MIPEP: variants seen among roughly 807,000 people sequenced by gnomAD.
MIPEP encodes the protein mitochondrial intermediate peptidase.
MIPEP carries 79 observed loss-of-function variants against 90.3 expected under a neutral mutation model. The observed-to-expected ratio is 0.87, with a 90% confidence interval of 0.73 to 1.05. The LOEUF (loss-of-function observed/expected upper bound fraction) is 1.05. MIPEP is among the 50% of genes least tolerant of loss of function. The pLI, the probability that MIPEP is intolerant of heterozygous loss-of-function variation, is 0.00. For missense variants in MIPEP, 940 were observed against 905.6 expected (o/e 1.04, Z -0.49); for synonymous variants, 334 against 315.8 (o/e 1.06, Z -0.61).
intron 8 of MIPEP, among the ~76,000 whole-genome samples, chr13:23,862,898 A>G (rs1870373219): frequency 6.6e-6 from 1 of 152,210 alleles, no homozygotes; most frequent in Non-Finnish European, 1.5e-5. Flanking sequence ...TAAAATCTAT[A>G]GCTATGTAGA....
intron 14 of MIPEP, among the ~76,000 whole-genome samples, chr13:23,835,267 T>G (rs1054087531): frequency 6.6e-6 from 1 of 152,002 alleles, no homozygotes; most frequent in Admixed American, 6.6e-5. Flanking sequence ...GTGATCCACC[T>G]GCCTCAGCCT....
intron 18 of MIPEP, among the ~76,000 whole-genome samples, chr13:23,752,389 A>C (rs1411618305): frequency 6.6e-6 from 1 of 152,212 alleles, no homozygotes; most frequent in East Asian, 1.9e-4. Flanking sequence ...AGTGGGGGCA[A>C]AGTATTACTT....
chr13:23,867,590 G>A (rs1296303322), intron 7 of MIPEP, among the ~76,000 whole-genome samples: 2 of 152,128 alleles, frequency 1.3e-5, no homozygotes, highest in Non-Finnish European at 2.9e-5. Flanking sequence ...AATGTAAACT[G>A]CATAAGGATA....
At chr13:23,809,979 C>A in intron 14 of MIPEP, 55 bp from the exon 15 acceptor site, 1 of 1,103,060 alleles carries the variant, frequency 9.1e-7, no homozygotes, top group East Asian at 2.4e-5. Context: ...AGTCACTGCA[C>A]TATGTATAAG....
At chr13:23,823,072 T>C (rs1953328116) in intron 14 of MIPEP, among the ~76,000 whole-genome samples, 1 of 152,040 alleles carries the variant, frequency 6.6e-6, no homozygotes, top group East Asian at 1.9e-4. Context: ...TGTGTTGAAG[T>C]TTTAGATACC....
intron 10 of MIPEP, among the ~76,000 whole-genome samples, chr13:23,858,407 T>C (rs1289388110): frequency 1.1e-5 from 1 of 92,004 alleles, no homozygotes; most frequent in Non-Finnish European, 2.1e-5. Context: ...TGTGTCCAAA[T>C]AAAAATGAGA....
At chr13:23,874,240 A>T (rs1248427626) in intron 5 of MIPEP, among the ~76,000 whole-genome samples, 2 of 152,192 alleles carry the variant, frequency 1.3e-5, no homozygotes, top group Non-Finnish European at 2.9e-5. Flanking sequence ...TGAATTTACA[A>T]CTGAAATGAG....
At chr13:23,834,664 C>T (rs879806427) in intron 14 of MIPEP, among the ~76,000 whole-genome samples, 5 of 152,156 alleles carry the variant, frequency 3.3e-5, no homozygotes, top group African/African-American at 4.8e-5. Flanking sequence ...TGGCGAATGC[C>T]GCTTCTCTTT....
intron 14 of MIPEP, 92 bp downstream of exon 14, chr13:23,836,148 C>A: frequency 2.8e-6 from 2 of 714,086 alleles, no homozygotes; most frequent in Non-Finnish European, 2.2e-6. Context: ...AGGGTGAGTT[C>A]TGAAAAGCAA....
intron 18 of MIPEP, among the ~76,000 whole-genome samples, chr13:23,751,664 G>A (rs952255373): frequency 6.6e-5 from 10 of 152,098 alleles, no homozygotes; most frequent in Non-Finnish European, 1.3e-4. Flanking sequence ...GATTCTTTGC[G>A]GAAGAGTTGA....
chr13:23,852,328 G>C (rs1329208151), intron 10 of MIPEP, among the ~76,000 whole-genome samples: 5 of 152,170 alleles, frequency 3.3e-5, no homozygotes, highest in African/African-American at 1.2e-4. Context: ...TGATACAAGA[G>C]TTATGTAAGA....
At chr13:23,810,627 C>T (rs370564015) in intron 14 of MIPEP, among the ~76,000 whole-genome samples, 88 of 152,210 alleles carry the variant, frequency 5.8e-4, no homozygotes, top group African/African-American at 2.0e-3. Context: ...AGAAAGATAC[C>T]GATTTACAAC....
chr13:23,846,057 C>T (rs924427503), intron 10 of MIPEP, among the ~76,000 whole-genome samples: 3 of 151,712 alleles, frequency 2.0e-5, no homozygotes, highest in Admixed American at 6.6e-5. Flanking sequence ...TTGGTAGATA[C>T]GGGCCTCTAT....
chr13:23,799,191 G>C (rs1261581736), intron 16 of MIPEP, among the ~76,000 whole-genome samples: 1 of 150,442 alleles, frequency 6.6e-6, no homozygotes, highest in Non-Finnish European at 1.5e-5. Context: ...TTGTATTTTA[G>C]TAGAGACAGG....
chr13:23,826,538 C>T (rs1414094245), intron 14 of MIPEP, among the ~76,000 whole-genome samples: 1 of 152,068 alleles, frequency 6.6e-6, no homozygotes, highest in East Asian at 1.9e-4. Flanking sequence ...AACTTTTAAA[C>T]TATAGCTCTA....
chr13:23,793,588 G>T (rs9551007), intron 16 of MIPEP, among the ~76,000 whole-genome samples: 35,771 of 151,646 alleles, frequency 0.24, 4,571 homozygotes, highest in East Asian at 0.46. Context: ...ACTACTAACT[G>T]TTCAGGGCCC....
chr13:23,848,035 T>C (rs1197027242), intron 10 of MIPEP, among the ~76,000 whole-genome samples: 1 of 152,196 alleles, frequency 6.6e-6, no homozygotes, highest in East Asian at 1.9e-4. Flanking sequence ...TAAGGCAATC[T>C]GGAATACAAG....
At position 23,790,758 on chromosome 13, in the gene MIPEP, G is replaced by T. The variant is rs1021865949; in HGVS notation, c.1848+15192C>A. 7.9e-5 allele frequency among the ~76,000 whole-genome samples: 12 copies of T among 152,278 alleles called. No individual in the cohort carries two copies. In the East Asian group the frequency reaches 1.2e-3, roughly 15 times the overall value. On this transcript the variant is annotated intron_variant, in intron 16 of 18. Transcript: ENST00000382172. Reference sequence around the variant, plus strand: ...CATTCAGCCCATTAACACTCACTGTGGTCTTCTCCAGAATTCTAAGAAAAC... The same window carrying T: ...CATTCAGCCCATTAACACTCACTGTTGTCTTCTCCAGAATTCTAAGAAAAC...
At chr13:23,881,077 A>C (rs1397065220) in intron 3 of MIPEP, among the ~76,000 whole-genome samples, 1 of 152,208 alleles carries the variant, frequency 6.6e-6, no homozygotes, top group Non-Finnish European at 1.5e-5. Context: ...AAAAATACTC[A>C]CATTTACCCC....
Sources: allele counts gnomAD v4.1 joint callset (sites outside exome capture counted in the v4.1 genomes callset), GRCh38; gene constraint gnomAD v4.1.1; transcripts MANE v1.5; gene names NCBI Gene and HGNC (gene_info 2026-07-23, HGNC 2026-07-21).